PLCH1: variants seen among roughly 807,000 people sequenced by gnomAD.
The protein encoded by PLCH1 is 1-phosphatidylinositol 4,5-bisphosphate phosphodiesterase eta-1.
PLCH1 carries 60 observed loss-of-function variants against 126.7 expected under a neutral mutation model. That is an observed-to-expected ratio of 0.47 (90% CI 0.38 to 0.59). The LOEUF (loss-of-function observed/expected upper bound fraction) is 0.59. Among genes scored for constraint, PLCH1 ranks in the 20% least tolerant of loss-of-function variants. The pLI is 0.00. For synonymous variants in PLCH1, 719 were observed against 734.9 expected, an observed-to-expected ratio of 0.98 and a Z score of 0.35; for missense variants, 1,723 against 2,040.0, an observed-to-expected ratio of 0.84 and a Z score of 2.99.
chr3:155,637,909 A>C (rs1024015992), intron 2 of PLCH1, among the ~76,000 whole-genome samples: 5 of 152,192 alleles, frequency 3.3e-5, no homozygotes, highest in Non-Finnish European at 7.4e-5. Context: ...TCTTCTTATG[A>C]AAAAGTCACC....
chr3:155,689,377 A>G (rs763534744), intron 2 of PLCH1, among the ~76,000 whole-genome samples: 4 of 152,160 alleles, frequency 2.6e-5, no homozygotes, highest in Non-Finnish European at 5.9e-5. Context: ...AACACCAAAG[A>G]ACATCTACCA....
chr3:155,560,530 T>C, intron 8 of PLCH1, among the ~76,000 whole-genome samples: 1 of 152,228 alleles, frequency 6.6e-6, no homozygotes, highest in East Asian at 1.9e-4. Context: ...GAGCATTCAA[T>C]TTGTAGTCAT....
chr3:155,542,388 C>T (rs1475753611), intron 10 of PLCH1, among the ~76,000 whole-genome samples: 9 of 146,228 alleles, frequency 6.2e-5, no homozygotes, highest in Admixed American at 4.0e-4. Context: ...CCTGGAAGCT[C>T]GAACTGGGTG....
At chr3:155,470,020 TCTC>T (rs1280868268) in intron 21 of PLCH1, among the ~76,000 whole-genome samples, 5 of 152,060 alleles carry the variant, frequency 3.3e-5, no homozygotes, top group Non-Finnish European at 7.4e-5. Context: ...GCAGAACGCC[TCTC>T]CTCCTCCAAA....
intron 2 of PLCH1, among the ~76,000 whole-genome samples, chr3:155,603,599 C>T (rs1734012900): frequency 6.6e-6 from 1 of 152,160 alleles, no homozygotes; most frequent in African/African-American, 2.4e-5. Context: ...ATCCTACTTT[C>T]CTCAACCTAA....
intron 2 of PLCH1, among the ~76,000 whole-genome samples, chr3:155,611,555 A>T (rs1735097616): frequency 6.6e-6 from 1 of 152,210 alleles, no homozygotes; most frequent in Admixed American, 6.5e-5. Flanking sequence ...CTGATGAACA[A>T]CAACACAATA....
At chr3:155,469,212 G>C (rs1451437530) in intron 21 of PLCH1, among the ~76,000 whole-genome samples, 1 of 152,226 alleles carries the variant, frequency 6.6e-6, no homozygotes, top group Non-Finnish European at 1.5e-5. Context: ...CAGGTCAGTG[G>C]GTGTGCGCAC....
chr3:155,483,960 TTCA>T (rs1714594107), intron 22 of PLCH1, among the ~76,000 whole-genome samples: 1 of 152,072 alleles, frequency 6.6e-6, no homozygotes, highest in Non-Finnish European at 1.5e-5. Flanking sequence ...ACTAAAAATA[TTCA>T]TCATAAAAAT....
intron 1 of PLCH1, among the ~76,000 whole-genome samples, chr3:155,714,774 A>G (rs1262380670): frequency 6.6e-6 from 1 of 152,152 alleles, no homozygotes; most frequent in Non-Finnish European, 1.5e-5. Context: ...TCTGTTTTTT[A>G]TGCATTACTG....
rs202007387 is a variant in PLCH1, at chr3:155,555,149, G to T, written c.1070-953C>A. The stretch of plus-strand genomic sequence containing the variant: ...AGTAGTCTGTAAATATATGCTAAAT[G>T]GATTAATAAATATCTTACCTCATAC... On this transcript the variant is annotated intron_variant, in intron 8 of 22. Coordinates refer to ENST00000460012, the MANE Select transcript of PLCH1 (RefSeq NM_014996.4). Among the ~76,000 whole-genome samples, 4 of 152,210 alleles carry T rather than the reference G, an allele frequency of 2.6e-5. No homozygotes were observed. In the East Asian group the frequency reaches 7.7e-4, roughly 29 times the overall value.
chr3:155,526,489 T>TACACACACACACACACAC (rs35144196), intron 10 of PLCH1, among the ~76,000 whole-genome samples: 6 of 126,566 alleles, frequency 4.7e-5, no homozygotes, highest in African/African-American at 1.7e-4. Flanking sequence ...CTCTCTCTCA[T>TACACACACACACACACAC]ACACACACAC....
At chr3:155,580,005 G>A (rs968976656) in intron 6 of PLCH1, among the ~76,000 whole-genome samples, 7 of 151,944 alleles carry the variant, frequency 4.6e-5, no homozygotes, top group African/African-American at 1.7e-4. Context: ...ATTTTAAAGA[G>A]CATTTCAAAG....
At chr3:155,496,257 A>G (rs1253511274) in intron 15 of PLCH1, among the ~76,000 whole-genome samples, 1 of 152,186 alleles carries the variant, frequency 6.6e-6, no homozygotes, top group Non-Finnish European at 1.5e-5. Context: ...ATGTTTTCCA[A>G]GCCATTTATT....
intron 21 of PLCH1, among the ~76,000 whole-genome samples, chr3:155,454,099 T>A (rs1712379592): frequency 6.6e-6 from 1 of 152,196 alleles, no homozygotes; most frequent in African/African-American, 2.4e-5. Context: ...ATTTACTATG[T>A]GCCAACTTCT....
chr3:155,565,774 C>T (rs967654729), intron 7 of PLCH1, among the ~76,000 whole-genome samples: 1 of 151,176 alleles, frequency 6.6e-6, no homozygotes, highest in Admixed American at 6.6e-5. Flanking sequence ...TGGCTCACTG[C>T]AACCTCCGCC....
In PLCH1 at chr3:155,583,344, T is replaced by C. The variant is rs1730951327; in HGVS notation, c.771+128A>G. 22 of 688,712 alleles carry C rather than the reference T, an allele frequency of 3.2e-5. No individual in the cohort carries two copies. The South Asian group carries it at 4.1e-4, about 13-fold the overall frequency. The allele number at this position is 688,712 out of a possible 1,614,324, so 42.7% of individuals were successfully genotyped here. A position where few individuals can be genotyped will look rare whatever the true frequency, so the allele number is the denominator to read the frequency against. ...TGTTTTAAATGACTCATAGATAAGA[T>C]TTTTGTGAACTAGTGATATTTACCA... is the stretch of plus-strand genomic sequence containing the variant. On this transcript the variant is annotated intron_variant, in intron 6 of 22. Transcript: ENST00000460012.
chr3:155,678,633 G>T (rs555650089), intron 2 of PLCH1, among the ~76,000 whole-genome samples: 3 of 152,292 alleles, frequency 2.0e-5, no homozygotes, highest in African/African-American at 7.2e-5. Context: ...CCCAACAGAA[G>T]GTCATGTACG....
In PLCH1 at chr3:155,704,183, G is replaced by A. The variant is rs1746485133; in HGVS notation, c.42C>T (p.Tyr14=). 8.1e-7 allele frequency: 1 copy of A among 1,229,666 alleles called. No homozygotes were observed. Among genetic ancestry groups the A allele is most frequent in the African/African-American group, 1.6e-5 (1 of 64,374 alleles). The allele number at this position is 1,229,666 out of a possible 1,614,324, so 76.2% of individuals were successfully genotyped here. Residue 14 remains tyrosine, a synonymous_variant, in exon 2 of 23, where the codon TAC becomes TAT. Transcript: ENST00000460012. ...WNLEKRNCVQ[Y]RRHFLVDNSV... ...TGTTGTCCACCAGAAAATGCCTGCG[G>A]TACTGCACACAGTTCCTTTTTTCCA...
In PLCH1 at chr3:155,462,369, C is replaced by G. The variant is rs527605615; in HGVS notation, c.2938+22987G>C. ...CCATTAGGGATTAAGCAGCTGACTA[C>G]TGACTGAAGATGTGGGAAATAAGAA... is the stretch of plus-strand genomic sequence containing the variant. On this transcript the variant is annotated intron_variant, in intron 21 of 21. Coordinates refer to the PLCH1 transcript ENST00000494598. Among the ~76,000 whole-genome samples, 95 of 152,268 alleles carry G rather than the reference C, an allele frequency of 6.2e-4. No individual in the cohort carries two copies. The Middle Eastern group carries it at 0.01, about 16-fold the overall frequency.
Sources: allele counts gnomAD v4.1 joint callset (sites outside exome capture counted in the v4.1 genomes callset), GRCh38; gene constraint gnomAD v4.1.1; transcripts MANE v1.5; gene names NCBI Gene and HGNC (gene_info 2026-07-23, HGNC 2026-07-21).